The following DNAAF9 variants were observed in gnomAD, a reference collection of about 807,000 sequenced individuals.
DNAAF9 encodes the protein dynein axonemal assembly factor 9, also known as shulin.
DNAAF9 carries 90 observed loss-of-function variants against 167.0 expected under a neutral mutation model. That is an observed-to-expected ratio of 0.54 (90% CI 0.45 to 0.64). The LOEUF is 0.64. DNAAF9 is among the 30% of genes least tolerant of loss of function. The pLI, the probability that DNAAF9 is intolerant of heterozygous loss-of-function variation, is 0.00. For synonymous variants in DNAAF9, 491 were observed against 508.8 expected, an observed-to-expected ratio of 0.96 and a Z score of 0.47; for missense variants, 1,315 against 1,442.2, an observed-to-expected ratio of 0.91 and a Z score of 1.43.
At chr20:3,313,352 T>C (rs2069446954) in intron 20 of DNAAF9, among the ~76,000 whole-genome samples, 1 of 152,332 alleles carries the variant, frequency 6.6e-6, no homozygotes, top group East Asian at 1.9e-4. Flanking sequence ...CCAGAACTCC[T>C]TGTGCTTTGT....
At chr20:3,356,880 C>T (rs2083293649) in intron 7 of DNAAF9, among the ~76,000 whole-genome samples, 1 of 151,950 alleles carries the variant, frequency 6.6e-6, no homozygotes, top group Admixed American at 6.6e-5. Context: ...AGAATAACCA[C>T]TGTCAACTAT....
At chr20:3,353,662 T>G (rs1336662915) in intron 7 of DNAAF9, among the ~76,000 whole-genome samples, 1 of 120,180 alleles carries the variant, frequency 8.3e-6, no homozygotes, top group Non-Finnish European at 1.6e-5. Flanking sequence ...AAAAAAAGGC[T>G]ATTAATACAG....
chr20:3,320,562 T>A (rs2069596075), intron 16 of DNAAF9, among the ~76,000 whole-genome samples: 1 of 152,168 alleles, frequency 6.6e-6, no homozygotes. Flanking sequence ...GGAGATAAAG[T>A]ATTATCACCT....
intron 21 of DNAAF9, 31 bp downstream of exon 21, chr20:3,304,409 C>G (rs1874361782): frequency 1.0e-6 from 1 of 1,003,104 alleles, no homozygotes; most frequent in Admixed American, 1.7e-5. Flanking sequence ...ACTTTCCGAC[C>G]AAAAAAGCCA....
At chr20:3,280,077 G>A (rs1258569864) in intron 28 of DNAAF9, among the ~76,000 whole-genome samples, 1 of 152,116 alleles carries the variant, frequency 6.6e-6, no homozygotes, top group Non-Finnish European at 1.5e-5. Context: ...TGTGAATCCT[G>A]TTCCCTTACC....
At chr20:3,328,931 G>C (rs1013908180) in intron 12 of DNAAF9, among the ~76,000 whole-genome samples, 10 of 147,488 alleles carry the variant, frequency 6.8e-5, no homozygotes, top group Admixed American at 2.7e-4. Context: ...GTGCAGTGGC[G>C]CTATCTCGGC....
In DNAAF9 at chr20:3,281,747, C is replaced by T; in HGVS notation, c.2506G>A (p.Val836Ile). The T allele has an allele frequency of 6.2e-7, 1 of 1,611,256 alleles. No individual in the cohort carries two copies. Among genetic ancestry groups the T allele is most frequent in the Non-Finnish European group, 8.5e-7 (1 of 1,178,912 alleles). Reference protein sequence around the residue: ...VLQGYTDVIDVVQALQTHPDS... With the variant: ...VLQGYTDVIDIVQALQTHPDS... ...GGGTGGGTCTGCAGGGCCTGGACAA[C>T]ATCAATAACATCTGTGTAGCTGGGG... is the stretch of plus-strand genomic sequence containing the variant. Residue 836 changes from valine (V) to isoleucine (I), a missense_variant, in exon 28 of 37, where the codon GTT becomes ATT. Val to Ile is a conservative substitution (Grantham distance 29). Coordinates refer to ENST00000252032, the MANE Select transcript of DNAAF9 (RefSeq NM_001009984.3).
At chr20:3,253,640 G>A in intron 36 of DNAAF9, 86 bp downstream of exon 36, 1 of 818,546 alleles carries the variant, frequency 1.2e-6, no homozygotes, top group Non-Finnish European at 2.1e-6. Context: ...CATGGCTCTG[G>A]CAGACAACCG....
chr20:3,266,875 G>A (rs1600672921), intron 30 of DNAAF9, among the ~76,000 whole-genome samples: 1 of 136,890 alleles, frequency 7.3e-6, no homozygotes, highest in Non-Finnish European at 1.6e-5. Context: ...TTTTTGAGAT[G>A]GAGTTTCGCT....
At chr20:3,277,354 C>T (rs1367848657) in intron 29 of DNAAF9, among the ~76,000 whole-genome samples, 7 of 152,184 alleles carry the variant, frequency 4.6e-5, no homozygotes, top group Admixed American at 1.3e-4. Flanking sequence ...GCTTCTCTTT[C>T]GGTGTCCTGG....
intron 10 of DNAAF9, 59 bp downstream of exon 10, chr20:3,340,440 ACCCAC>A: frequency 2.4e-5 from 3 of 124,208 alleles, no homozygotes; most frequent in East Asian, 2.3e-4. Flanking sequence ...AGCTCCCCCC[ACCCAC>A]CCCACCCCCA....
chr20:3,376,337 CA>C, intron 3 of DNAAF9, 35 bp from the exon 4 acceptor site: 1 of 1,540,000 alleles, frequency 6.5e-7, no homozygotes, highest in South Asian at 1.2e-5. Context: ...ACAAGACTGT[CA>C]AACACATTTC....
intron 14 of DNAAF9, 33 bp downstream of exon 14, chr20:3,324,859 A>T (rs2069682339): frequency 1.7e-6 from 2 of 1,143,558 alleles, no homozygotes; most frequent in Non-Finnish European, 1.3e-6. Context: ...GAAGAAAAAA[A>T]ATTCCTTATA....
At chr20:3,262,963 ATCTT>A (rs2068419644) in intron 31 of DNAAF9, among the ~76,000 whole-genome samples, 1 of 115,482 alleles carries the variant, frequency 8.7e-6, no homozygotes, top group African/African-American at 3.2e-5. Context: ...AGCATAGCAG[ATCTT>A]TTTTTTTTTT....
chr20:3,403,343 T>C (rs1471109298), intron 1 of DNAAF9, among the ~76,000 whole-genome samples: 1 of 152,066 alleles, frequency 6.6e-6, no homozygotes, highest in Non-Finnish European at 1.5e-5. Flanking sequence ...CCCATTCTCT[T>C]GGATGAATCC....
intron 7 of DNAAF9, among the ~76,000 whole-genome samples, chr20:3,353,787 A>G (rs748471878): frequency 1.3e-5 from 2 of 152,110 alleles, no homozygotes; most frequent in Non-Finnish European, 2.9e-5. Flanking sequence ...GCAGTCACAC[A>G]GTCAAGCAAT....
intron 30 of DNAAF9, among the ~76,000 whole-genome samples, chr20:3,268,817 A>C (rs6037523): frequency 2.6e-5 from 4 of 151,770 alleles, no homozygotes; most frequent in Admixed American, 6.6e-5. Flanking sequence ...TGTGTACACA[A>C]ACAAAATCAC....
At chr20:3,340,433 T>TCCGGGGGGGGGGGCCCC in intron 10 of DNAAF9, 71 bp downstream of exon 10, 1 of 221,214 alleles carries the variant, frequency 4.5e-6, no homozygotes, top group Non-Finnish European at 9.5e-6. Flanking sequence ...TTTGTCTAGC[T>TCCGGGGGGGGGGGCCCC]CCCCCCACCC....
At chr20:3,297,069 A>G in intron 22 of DNAAF9, 120 bp from the exon 23 acceptor site, 2 of 655,640 alleles carry the variant, frequency 3.1e-6, no homozygotes, top group Non-Finnish European at 5.4e-6. Context: ...AATGACTATA[A>G]CAAACAAGTT....
Sources: allele counts gnomAD v4.1 joint callset (sites outside exome capture counted in the v4.1 genomes callset), GRCh38; gene constraint gnomAD v4.1.1; transcripts MANE v1.5; gene names NCBI Gene and HGNC (gene_info 2026-07-23, HGNC 2026-07-21).